Variants in NKAIN2 observed in about 807,000 individuals in gnomAD.
NKAIN2 encodes the protein sodium/potassium-transporting ATPase subunit beta-1-interacting protein 2.
In NKAIN2, 14 loss-of-function variants were observed where a neutral mutation model predicts 32.6. The observed-to-expected ratio is 0.43, with a 90% CI of 0.28 to 0.67. The LOEUF is 0.67. NKAIN2 is among the 30% of genes least tolerant of loss of function. The pLI is 0.17. For synonymous variants in NKAIN2, 80 were observed against 87.2 expected, an observed-to-expected ratio of 0.92 and a Z score of 0.46; for missense variants, 198 against 258.3, an observed-to-expected ratio of 0.77 and a Z score of 1.60.
chr6:124,346,812 T>A (rs1798446985), intron 2 of NKAIN2, among the ~76,000 whole-genome samples: 1 of 152,166 alleles, frequency 6.6e-6, no homozygotes, highest in Non-Finnish European at 1.5e-5. Context: ...TGCCTTTTAA[T>A]TGGAGCATTT....
intron 1 of NKAIN2, among the ~76,000 whole-genome samples, chr6:124,221,184 A>C (rs552772599): frequency 1.3e-5 from 2 of 152,148 alleles, no homozygotes; most frequent in East Asian, 3.9e-4. Flanking sequence ...AGACTGGATT[A>C]AGAAAATGTG....
intron 3 of NKAIN2, among the ~76,000 whole-genome samples, chr6:124,410,734 C>A (rs1446510373): frequency 1.3e-5 from 2 of 152,120 alleles, no homozygotes; most frequent in East Asian, 1.9e-4. Context: ...GAGCTGAGTT[C>A]AATTCCTGGA....
intron 1 of NKAIN2, among the ~76,000 whole-genome samples, chr6:123,863,523 G>A (rs546981825): frequency 5.3e-5 from 8 of 152,126 alleles, no homozygotes; most frequent in Non-Finnish European, 1.2e-4. Context: ...AGTTTCCATC[G>A]GATCATTACT....
In NKAIN2 at chr6:124,017,639, A is replaced by C. The variant is rs180885323; in HGVS notation, c.54+213385A>C. Among the ~76,000 whole-genome samples the C allele has an allele frequency of 5.8e-4, 89 of 152,242 alleles. 1 individual carries two copies. Among genetic ancestry groups the C allele is most frequent in the Admixed American group, 2.7e-3 (42 of 15,296 alleles). On this transcript the variant is annotated intron_variant, in intron 1 of 6. Coordinates refer to ENST00000368417, the MANE Select transcript of NKAIN2 (RefSeq NM_001040214.3). ...ATAGGCCCCTGCAAGTCTGAAATCC[A>C]GTGGGGCAGTCAAATCTTAAAGCTC...
intron 5 of NKAIN2, among the ~76,000 whole-genome samples, chr6:124,803,971 C>A (rs544226224): frequency 1.3e-5 from 2 of 152,276 alleles, no homozygotes; most frequent in African/African-American, 4.8e-5. Flanking sequence ...CTCTCAATAA[C>A]CCTTCGAAGC....
At chr6:124,720,206 A>G (rs1016084381) in intron 4 of NKAIN2, among the ~76,000 whole-genome samples, 15 of 152,332 alleles carry the variant, frequency 9.8e-5, no homozygotes, top group African/African-American at 2.6e-4. Flanking sequence ...CACAAAGACC[A>G]TATGTCAGAC....
intron 1 of NKAIN2, among the ~76,000 whole-genome samples, chr6:123,938,413 T>C (rs1776632455): frequency 1.4e-4 from 2 of 14,238 alleles, no homozygotes. Flanking sequence ...TATATATATA[T>C]ATATATATAT....
chr6:123,863,138 G>A (rs1289339256), intron 1 of NKAIN2, among the ~76,000 whole-genome samples: 1 of 152,148 alleles, frequency 6.6e-6, no homozygotes, highest in African/African-American at 2.4e-5. Context: ...CCACAGATAA[G>A]GACAGAGCCC....
intron 1 of NKAIN2, among the ~76,000 whole-genome samples, chr6:124,116,767 G>A (rs1034206911): frequency 2.0e-5 from 3 of 151,890 alleles, no homozygotes; most frequent in Non-Finnish European, 2.9e-5. Context: ...ACTGAATGCC[G>A]GCTACATGTA....
At chr6:123,999,073 C>G (rs1779767732) in intron 1 of NKAIN2, among the ~76,000 whole-genome samples, 1 of 151,022 alleles carries the variant, frequency 6.6e-6, no homozygotes, top group Non-Finnish European at 1.5e-5. Flanking sequence ...AGTCTTGGTG[C>G]TATTTACATG....
chr6:124,681,655 G>C (rs1367817294), intron 4 of NKAIN2, among the ~76,000 whole-genome samples: 1 of 152,046 alleles, frequency 6.6e-6, no homozygotes, highest in Non-Finnish European at 1.5e-5. Flanking sequence ...TATATGCATA[G>C]TGTATGTGCT....
intron 3 of NKAIN2, among the ~76,000 whole-genome samples, chr6:124,569,223 C>T (rs1444074015): frequency 6.6e-6 from 1 of 152,206 alleles, no homozygotes; most frequent in Non-Finnish European, 1.5e-5. Flanking sequence ...TCTTTTCTCA[C>T]TAATTCCTTG....
intron 1 of NKAIN2, among the ~76,000 whole-genome samples, chr6:124,017,662 C>A (rs1047800978): frequency 1.2e-4 from 18 of 152,124 alleles, no homozygotes; most frequent in African/African-American, 4.3e-4. Flanking sequence ...AATCTTAAAG[C>A]TCCAAAATGA....
At chr6:124,345,359 G>A (rs952737677) in intron 2 of NKAIN2, among the ~76,000 whole-genome samples, 5 of 152,152 alleles carry the variant, frequency 3.3e-5, no homozygotes, top group Admixed American at 1.3e-4. Context: ...AAATGAGTTA[G>A]GGAGGATTCC....
chr6:123,932,694 G>A (rs371543156), intron 1 of NKAIN2, among the ~76,000 whole-genome samples: 1 of 151,830 alleles, frequency 6.6e-6, no homozygotes, highest in South Asian at 2.1e-4. Context: ...TGGGATTACA[G>A]GCGTGAGCCA....
chr6:124,729,134 G>C (rs1325397396), intron 4 of NKAIN2, among the ~76,000 whole-genome samples: 3 of 152,216 alleles, frequency 2.0e-5, no homozygotes, highest in African/African-American at 7.2e-5. Context: ...GAAGTATGAG[G>C]AGGAACTGGT....
intron 4 of NKAIN2, among the ~76,000 whole-genome samples, chr6:124,757,152 A>G (rs1052849570): frequency 6.6e-6 from 1 of 152,100 alleles, no homozygotes; most frequent in African/African-American, 2.4e-5. Context: ...TTAAACTGAA[A>G]TTTTATGCTA....
chr6:124,226,477 T>C (rs1792117429), intron 1 of NKAIN2, among the ~76,000 whole-genome samples: 1 of 152,048 alleles, frequency 6.6e-6, no homozygotes, highest in African/African-American at 2.4e-5. Flanking sequence ...CTTGTAACAT[T>C]TCTATTGTTG....
At position 124,016,795 on chromosome 6, in the gene NKAIN2, T is replaced by TA. The variant is rs200008018; in HGVS notation, c.54+212550dup. On this transcript the variant is annotated intron_variant, in intron 1 of 6. Coordinates refer to ENST00000368417, the MANE Select transcript of NKAIN2 (RefSeq NM_001040214.3). ...AATTTTTTTTTTCTATTTTACAAAT[T>TA]AAAAAAAAATCCAGAGCTTAGAGTT... Among the ~76,000 whole-genome samples the TA allele has an allele frequency of 6.3e-4, 96 of 151,624 alleles. 1 individual carries two copies. The highest frequency in any genetic ancestry group is 4.5e-3 in the Admixed American group (69 of 15,218).
Sources: allele counts gnomAD v4.1 joint callset (sites outside exome capture counted in the v4.1 genomes callset), GRCh38; gene constraint gnomAD v4.1.1; transcripts MANE v1.5; gene names NCBI Gene and HGNC (gene_info 2026-07-23, HGNC 2026-07-21).